Variants in MACROD2 observed in about 807,000 individuals in gnomAD.
The protein encoded by MACROD2 is ADP-ribose glycohydrolase MACROD2.
In MACROD2, 36 loss-of-function variants were observed where a neutral mutation model predicts 70.4. That is an observed-to-expected ratio of 0.51 (90% confidence interval 0.39 to 0.68). The LOEUF is 0.68. Ranked by LOEUF, MACROD2 falls within the 30% of genes least tolerant of loss-of-function variation. The pLI, the probability that MACROD2 is intolerant of heterozygous loss-of-function variation, is 0.00. For synonymous variants in MACROD2, 172 were observed against 178.8 expected (o/e 0.96, Z 0.30); for missense variants, 496 against 538.4 (o/e 0.92, Z 0.78).
intron 5 of MACROD2, among the ~76,000 whole-genome samples, chr20:15,008,640 A>T (rs2075058324): frequency 1.3e-5 from 2 of 152,194 alleles, no homozygotes; most frequent in South Asian, 4.1e-4. Context: ...TTTGGCGCTG[A>T]GAAGGACTGT....
chr20:15,329,798 C>T (rs888940656), intron 6 of MACROD2, among the ~76,000 whole-genome samples: 2 of 152,036 alleles, frequency 1.3e-5, no homozygotes, highest in Non-Finnish European at 2.9e-5. Flanking sequence ...CCTACTGAAA[C>T]AGAAACGCTG....
intron 8 of MACROD2, among the ~76,000 whole-genome samples, chr20:15,720,817 G>C (rs1452973917): frequency 6.6e-6 from 1 of 152,144 alleles, no homozygotes; most frequent in Non-Finnish European, 1.5e-5. Context: ...TAAAGCCATG[G>C]CTTCTGTTTT....
At chr20:15,194,981 G>C (rs114398767) in intron 5 of MACROD2, among the ~76,000 whole-genome samples, 1,943 of 152,152 alleles carry the variant, frequency 0.013, 35 homozygotes, top group African/African-American at 0.043. Flanking sequence ...TAAGCAATGG[G>C]GAAAGGATTC....
chr20:15,488,861 A>G (rs2047193425), intron 7 of MACROD2, among the ~76,000 whole-genome samples: 1 of 152,228 alleles, frequency 6.6e-6, no homozygotes, highest in Admixed American at 6.5e-5. Context: ...CTGTCTCAGA[A>G]GACTTATCCA....
intron 5 of MACROD2, among the ~76,000 whole-genome samples, chr20:14,722,456 G>A (rs530463433): frequency 1.3e-5 from 2 of 152,278 alleles, no homozygotes; most frequent in Admixed American, 6.5e-5. Flanking sequence ...CCCTGAACAC[G>A]TTTTTCTTTC....
At chr20:14,851,869 C>T (rs1033196651) in intron 5 of MACROD2, among the ~76,000 whole-genome samples, 2 of 152,136 alleles carry the variant, frequency 1.3e-5, no homozygotes, top group Admixed American at 6.5e-5. Context: ...CTTGAGCCCA[C>T]GCTGTATACC....
intron 5 of MACROD2, among the ~76,000 whole-genome samples, chr20:14,999,415 T>A (rs535328530): frequency 6.6e-6 from 1 of 152,146 alleles, no homozygotes; most frequent in South Asian, 2.1e-4. Flanking sequence ...TCCCAGCACT[T>A]TGGGAGGCTG....
chr20:15,740,089 A>G (rs1000502409), intron 8 of MACROD2, among the ~76,000 whole-genome samples: 11 of 152,176 alleles, frequency 7.2e-5, no homozygotes, highest in African/African-American at 1.4e-4. Context: ...GCTGCACACA[A>G]TCCTTTGGGG....
Position 14,862,716 on chromosome 20 carries a change from T to TATAAAAATATATATATATA in MACROD2, c.418+177757_418+177758insATAAAAATATATATATATA, listed in dbSNP as rs1491170483. On this transcript the variant is annotated intron_variant, in intron 5 of 17. Coordinates refer to ENST00000684519, the MANE Select transcript of MACROD2 (RefSeq NM_001351661.2). Reference sequence around the variant, plus strand: ...ATATATATAAATATATATATATATATTTTTTTTTAATAGAGAGGATGAAGA... The same window carrying TATAAAAATATATATATATA: ...ATATATATAAATATATATATATATATATAAAAATATATATATATATTTTTTTTAATAGAGAGGATGAAGA... Among the ~76,000 whole-genome samples the TATAAAAATATATATATATA allele has an allele frequency of 1.0e-3, 92 of 88,796 alleles. 8 individuals carry two copies. Among genetic ancestry groups the TATAAAAATATATATATATA allele is most frequent in the African/African-American group, 4.9e-3 (81 of 16,492 alleles). The allele number at this position is 88,796 out of a possible 152,430, so 58.3% of individuals were successfully genotyped here.
chr20:15,444,592 G>A (rs1002484137), intron 7 of MACROD2, among the ~76,000 whole-genome samples: 2 of 151,996 alleles, frequency 1.3e-5, no homozygotes, highest in Non-Finnish European at 1.5e-5. Flanking sequence ...TGTACACATC[G>A]CCTCAGAGTT....
At chr20:15,431,996 T>C (rs1485184029) in intron 7 of MACROD2, among the ~76,000 whole-genome samples, 1 of 152,068 alleles carries the variant, frequency 6.6e-6, no homozygotes, top group East Asian at 1.9e-4. Context: ...AAATGTTTCT[T>C]AATCACTTGC....
At chr20:15,467,032 C>T (rs1275868348) in intron 7 of MACROD2, among the ~76,000 whole-genome samples, 1 of 152,182 alleles carries the variant, frequency 6.6e-6, no homozygotes, top group African/African-American at 2.4e-5. Context: ...GTCCTCCTGT[C>T]TATGCTCACC....
At chr20:15,390,865 C>A (rs762806923) in intron 6 of MACROD2, among the ~76,000 whole-genome samples, 70 of 152,150 alleles carry the variant, frequency 4.6e-4, no homozygotes, top group Non-Finnish European at 4.0e-4. Flanking sequence ...TTATTTAAGT[C>A]AGAGAACTTA....
At chr20:15,604,593 A>T (rs73900018) in intron 8 of MACROD2, among the ~76,000 whole-genome samples, 130 of 152,342 alleles carry the variant, frequency 8.5e-4, no homozygotes, top group African/African-American at 2.8e-3. Flanking sequence ...CCATTAAGTG[A>T]TACCACAGAA....
chr20:14,850,268 C>T lies in MACROD2; in HGVS notation c.418+165309C>T, dbSNP rs566781395. ...TAGAAGCTCTACAACAATTCTAAAA[C>T]CCAGCCTAATAAAGTATGAAACATT... On this transcript the variant is annotated intron_variant, in intron 5 of 17. Coordinates refer to ENST00000684519, the MANE Select transcript of MACROD2 (RefSeq NM_001351661.2). The T allele has an allele frequency of 4.9e-4, 88 of 179,072 alleles. No homozygotes were observed. In the South Asian group the frequency reaches 9.4e-3, roughly 19 times the overall value. 11.1% of individuals were successfully genotyped at this position (179,072 alleles called of 1,614,324 possible).
At chr20:14,584,063 C>T (rs1395605778) in intron 4 of MACROD2, among the ~76,000 whole-genome samples, 3 of 152,092 alleles carry the variant, frequency 2.0e-5, no homozygotes, top group African/African-American at 4.8e-5. Flanking sequence ...AGTTCACTCA[C>T]CTTTTAACTA....
chr20:15,829,109 C>A (rs186277564), intron 8 of MACROD2, among the ~76,000 whole-genome samples: 226 of 147,640 alleles, frequency 1.5e-3, no homozygotes, highest in African/African-American at 5.4e-3. Flanking sequence ...TGATTATTAT[C>A]GGAAAAAAAA....
intron 3 of MACROD2, among the ~76,000 whole-genome samples, chr20:14,420,098 A>C (rs11698487): frequency 0.27 from 41,015 of 151,290 alleles, 5,689 homozygotes; most frequent in Admixed American, 0.31. Flanking sequence ...AAGGTCCTCT[A>C]GAAATTTTTA....
intron 4 of MACROD2, among the ~76,000 whole-genome samples, chr20:14,520,448 G>A (rs2085153943): frequency 1.3e-5 from 2 of 151,232 alleles, no homozygotes; most frequent in South Asian, 2.1e-4. Context: ...TGGTTTGAAA[G>A]ACAAGCTCAA....
Sources: allele counts gnomAD v4.1 joint callset (sites outside exome capture counted in the v4.1 genomes callset), GRCh38; gene constraint gnomAD v4.1.1; transcripts MANE v1.5; gene names NCBI Gene and HGNC (gene_info 2026-07-23, HGNC 2026-07-21).